Variants in DMXL2 observed in about 807,000 individuals in gnomAD.
The protein encoded by DMXL2 is Dmx like 2.
DMXL2 carries 103 observed loss-of-function variants against 331.1 expected under a neutral mutation model. The ratio of observed to expected loss-of-function variants is 0.31; its 90% confidence interval spans 0.27 to 0.37. The LOEUF is 0.37. Among genes scored for constraint, DMXL2 ranks in the 10% least tolerant of loss-of-function variants. DMXL2 has a pLI of 1.00. For synonymous variants in DMXL2, 1,281 were observed against 1,252.1 expected, an observed-to-expected ratio of 1.02 and a Z score of -0.49; for missense variants, 3,171 against 3,642.9, an observed-to-expected ratio of 0.87 and a Z score of 3.33.
At chr15:51,608,456 T>C (rs2053741331) in intron 1 of DMXL2, among the ~76,000 whole-genome samples, 1 of 152,274 alleles carries the variant, frequency 6.6e-6, no homozygotes, top group African/African-American at 2.4e-5. Flanking sequence ...AGAACATGTA[T>C]GTAGTTGGAG....
At position 51,481,565 on chromosome 15, in the gene DMXL2, A is replaced by G; in HGVS notation, c.5541T>C (p.His1847=). The change falls in exon 24 of 44, where the codon CAT becomes CAC. Residue 1847 remains histidine, a synonymous_variant. Transcript: ENST00000560891. ...AFSFYNYLRT[H]PLLIRRNLAS... Reference sequence around the variant, plus strand: ...CAAGATTTCTTCGAATGAGCAAAGGATGAGTTCGAAGGTAGTTATAAAAAC... The same window carrying G: ...CAAGATTTCTTCGAATGAGCAAAGGGTGAGTTCGAAGGTAGTTATAAAAAC... 1 of 1,606,556 alleles carries G rather than the reference A, an allele frequency of 6.2e-7. No homozygotes were observed. The highest frequency in any genetic ancestry group is 8.5e-7 in the Non-Finnish European group (1 of 1,177,694).
intron 1 of DMXL2, among the ~76,000 whole-genome samples, chr15:51,592,386 G>T (rs186319430): frequency 1.3e-5 from 2 of 152,098 alleles, no homozygotes; most frequent in Non-Finnish European, 2.9e-5. Context: ...AAAAAGAAAC[G>T]AACAAAGCCT....
At chr15:51,459,211 T>G in intron 34 of DMXL2, 1 of 192,766 alleles carries the variant, frequency 5.2e-6, no homozygotes, top group Non-Finnish European at 1.1e-5. Context: ...GAAGTAAGGG[T>G]GGTGAGACAG....
chr15:51,511,818 A>C (rs956134242), intron 15 of DMXL2, among the ~76,000 whole-genome samples: 1 of 152,254 alleles, frequency 6.6e-6, no homozygotes, highest in Non-Finnish European at 1.5e-5. Flanking sequence ...AGACTGGATA[A>C]AGAAAATGTA....
intron 13 of DMXL2, among the ~76,000 whole-genome samples, chr15:51,530,339 C>T (rs1398405484): frequency 6.6e-6 from 1 of 152,140 alleles, no homozygotes; most frequent in Non-Finnish European, 1.5e-5. Flanking sequence ...CACCTAAAGA[C>T]TCCACCAAAA....
intron 1 of DMXL2, among the ~76,000 whole-genome samples, chr15:51,612,211 T>C (rs977795420): frequency 1.3e-5 from 2 of 152,188 alleles, no homozygotes; most frequent in Non-Finnish European, 2.9e-5. Flanking sequence ...ATATACAAGA[T>C]AAATATTAAT....
intron 13 of DMXL2, among the ~76,000 whole-genome samples, chr15:51,531,442 T>C (rs1021053619): frequency 4.6e-5 from 7 of 152,110 alleles, no homozygotes; most frequent in African/African-American, 9.7e-5. Context: ...CAAGATAACA[T>C]TGGGGAAACT....
chr15:51,474,503 C>T lies in DMXL2; in HGVS notation c.7054G>A (p.Val2352Ile). The T allele has an allele frequency of 6.2e-7, 1 of 1,614,136 alleles. No individual in the cohort carries two copies. The highest frequency in any genetic ancestry group is 1.1e-5 in the South Asian group (1 of 91,086). ...NILLCEAVVAVYLSLLIHALA... is the reference protein window; with the variant it reads ...NILLCEAVVAIYLSLLIHALA... ...GCATGTATCAATAAACTTAAGTAAA[C>T]AGCAACAACAGCTTCACATAGCAAA... Residue 2352 changes from valine to isoleucine, a missense_variant, in exon 28 of 44, where the codon GTT (valine) becomes ATT (isoleucine). Around this residue, in one of 7 missense-constraint regions of DMXL2, gnomAD observed 766 missense variants for 940.5 expected, o/e 0.81. Transcript: ENST00000560891.
At chr15:51,541,044 T>C (rs2048566751) in intron 9 of DMXL2, among the ~76,000 whole-genome samples, 1 of 152,184 alleles carries the variant, frequency 6.6e-6, no homozygotes, top group Non-Finnish European at 1.5e-5. Flanking sequence ...TGAATTTTTA[T>C]CACAGTAATT....
chr15:51,482,350 CATAG>C (rs1328581303), intron 23 of DMXL2, among the ~76,000 whole-genome samples: 1 of 152,076 alleles, frequency 6.6e-6, no homozygotes, highest in Admixed American at 6.5e-5. Context: ...CTTATATGCA[CATAG>C]ATAGCAAATA....
chr15:51,506,201 T>C (rs1422593960), intron 16 of DMXL2, among the ~76,000 whole-genome samples: 1 of 152,050 alleles, frequency 6.6e-6, no homozygotes, highest in Non-Finnish European at 1.5e-5. Flanking sequence ...GCCTCCCAAG[T>C]ATAGGTACAT....
At chr15:51,567,481 G>T (rs974057054) in intron 3 of DMXL2, 36 of 152,192 alleles carry the variant, frequency 2.4e-4, no homozygotes, top group Middle Eastern at 3.4e-3. Context: ...AAGATAAGTG[G>T]GGGTACAATT....
chr15:51,566,264 TG>T (rs2050281883), intron 3 of DMXL2, among the ~76,000 whole-genome samples: 1 of 124,160 alleles, frequency 8.1e-6, no homozygotes, highest in Admixed American at 7.6e-5. Context: ...TGTGTGTGTG[TG>T]TGTGTGTGTG....
intron 2 of DMXL2, 52 bp from the exon 3 acceptor site, chr15:51,568,610 T>C (rs768003458): frequency 2.2e-5 from 26 of 1,165,010 alleles, no homozygotes; most frequent in Non-Finnish European, 3.2e-5. Flanking sequence ...AAAATAAAGA[T>C]ATCTTCCTTT....
intron 1 of DMXL2, among the ~76,000 whole-genome samples, chr15:51,614,204 G>A (rs2054150385): frequency 6.6e-6 from 1 of 152,156 alleles, no homozygotes; most frequent in South Asian, 2.1e-4. Flanking sequence ...AAGACAAGGA[G>A]AAAGTCCTCC....
chr15:51,585,335 T>G, intron 1 of DMXL2, among the ~76,000 whole-genome samples: 1 of 149,630 alleles, frequency 6.7e-6, no homozygotes, highest in East Asian at 2.0e-4. Flanking sequence ...GTTTTTAGCA[T>G]GAAGGGTTGT....
In DMXL2 at chr15:51,479,979, G is replaced by A. The variant is rs1182368754; in HGVS notation, c.6725C>T (p.Thr2242Ile). ...ATCTTCAATACTGGGATGAGGTGGT[G>A]TTTTCATCTGAACAATAGTATAAAG... is the stretch of plus-strand genomic sequence containing the variant. ...DILYTIVQMK[T>I]PPHPSIEDVK... Residue 2242 changes from threonine (T) to isoleucine (I), a missense_variant, in exon 25 of 44, where the codon ACA becomes ATA. Physicochemically the swap from Thr to Ile is moderately conservative, Grantham distance 89. Around this residue, in one of 7 missense-constraint regions of DMXL2, gnomAD observed 197 missense variants for 196.2 expected, o/e 1.00. Transcript: ENST00000560891. 1.3e-6 allele frequency: 2 copies of A among 1,523,784 alleles called. No individual in the cohort carries two copies. The highest frequency in any genetic ancestry group is 1.8e-5 in the Admixed American group (1 of 55,504). 94.4% of individuals were successfully genotyped at this position (1,523,784 alleles called of 1,614,324 possible). A position where few individuals can be genotyped will look rare whatever the true frequency, so the allele number is the denominator to read the frequency against.
chr15:51,458,776 T>C lies in DMXL2; in HGVS notation c.8009A>G (p.Tyr2670Cys). 6.2e-7 allele frequency: 1 copy of C among 1,614,010 alleles called. No individual in the cohort carries two copies. The highest frequency in any genetic ancestry group is 8.5e-7 in the Non-Finnish European group (1 of 1,179,934). ...GATGACTTTCGCCTTTCCACCTGGA[T>C]AGCCCAGATCAGCTTCAACCTAGAA... Reference protein sequence around the residue: ...CHIKVEADLGYPGGKAKVIHK... With the variant: ...CHIKVEADLGCPGGKAKVIHK... The change falls in exon 35 of 44, where the codon TAT becomes TGT. Residue 2670 changes from tyrosine to cysteine, a missense_variant. By Grantham distance (194) the Tyr-to-Cys change is radical. Transcript: ENST00000560891.
At chr15:51,456,497 G>A (rs1314683497) in intron 37 of DMXL2, 128 bp from the exon 38 acceptor site, 3 of 641,242 alleles carry the variant, frequency 4.7e-6, no homozygotes, top group South Asian at 4.2e-5. Flanking sequence ...GCCTGTTATG[G>A]ATGTTCTGAA....
Sources: gnomAD v4.1 joint callset for allele counts (sites outside exome capture counted in the v4.1 genomes callset) on GRCh38, gnomAD v4.1.1 for gene constraint, gnomAD v4.1.1 regional missense constraint, MANE v1.5 for transcripts, NCBI Gene and HGNC (gene_info 2026-07-23, HGNC 2026-07-21) for gene names.